PLCE1: variants seen among roughly 807,000 people sequenced by gnomAD.
PLCE1 encodes the protein 1-phosphatidylinositol 4,5-bisphosphate phosphodiesterase epsilon-1.
PLCE1 carries 119 observed loss-of-function variants against 242.8 expected under a neutral mutation model. The ratio of observed to expected loss-of-function variants is 0.49; its 90% CI spans 0.42 to 0.57. PLCE1 has a LOEUF of 0.57. PLCE1 is among the 20% of genes least tolerant of loss of function. The probability of loss-of-function intolerance (pLI) is 0.00; values close to 1 mark genes in which losing one functional copy is unlikely to be tolerated. For synonymous variants in PLCE1, 945 were observed against 1,017.4 expected, an observed-to-expected ratio of 0.93 and a Z score of 1.35; for missense variants, 2,441 against 2,788.8, an observed-to-expected ratio of 0.88 and a Z score of 2.81.
chr10:94,311,930 T>C (rs570042474), intron 27 of PLCE1, among the ~76,000 whole-genome samples: 9 of 152,218 alleles, frequency 5.9e-5, no homozygotes, highest in African/African-American at 2.2e-4. Context: ...CACAGACTCT[T>C]AGAAAGCAGA....
At chr10:94,081,217 T>A (rs568336906) in intron 2 of PLCE1, among the ~76,000 whole-genome samples, 99 of 152,358 alleles carry the variant, frequency 6.5e-4, no homozygotes, top group African/African-American at 2.0e-3. Context: ...TCTTCTTGGT[T>A]TGTAAAGATC....
At position 94,298,453 on chromosome 10, in the gene PLCE1, A is replaced by G; in HGVS notation, c.5242A>G (p.Ile1748Val). ...PLNPTTSLSA[I>V]IRTPKCYHIS... ...CAACCCAACCACGTCCCTCAGTGCT[A>G]TCATTAGAACTCCCAAATGTTATCA... The change falls in exon 24 of 33, where the codon ATC becomes GTC. Residue 1748 changes from isoleucine (I) to valine (V), a missense_variant. By Grantham distance (29) the Ile-to-Val change is conservative. Coordinates refer to ENST00000371380, the MANE Select transcript of PLCE1 (RefSeq NM_016341.4). This position sits in a 1 kb window ranked among gnomAD's most constrained non-coding sequence, Gnocchi z 5.2. 6.2e-7 allele frequency: 1 copy of G among 1,614,088 alleles called. No homozygotes were observed. The highest frequency in any genetic ancestry group is 8.5e-7 in the Non-Finnish European group (1 of 1,179,954).
chr10:94,294,705 G>A lies in PLCE1; in HGVS notation c.5167+1066G>A, dbSNP rs566747072. Among the ~76,000 whole-genome samples the A allele has an allele frequency of 2.6e-5, 4 of 152,236 alleles. No homozygotes were observed. In the East Asian group the frequency reaches 7.7e-4, roughly 29 times the overall value. On this transcript the variant is annotated intron_variant, in intron 23 of 32. Transcript: ENST00000371380. The stretch of plus-strand genomic sequence containing the variant: ...CAATCATCTGAGCCTGTAGCAAGTT[G>A]TAATATTTTTGCTGGTGGAGGGTGT...
intron 20 of PLCE1, 109 bp from the exon 21 acceptor site, chr10:94,283,681 A>T: frequency 8.4e-7 from 1 of 1,196,056 alleles, no homozygotes; most frequent in Non-Finnish European, 1.2e-6. Flanking sequence ...TTAGAGCCTC[A>T]TTCTTATAGA....
intron 2 of PLCE1, among the ~76,000 whole-genome samples, chr10:94,077,250 G>T (rs571494862): frequency 1.3e-5 from 2 of 152,194 alleles, no homozygotes; most frequent in African/African-American, 4.8e-5. Context: ...GTCAACAACT[G>T]GGGTGACGGG....
At chr10:94,155,161 AT>A (rs1181735334) in intron 3 of PLCE1, among the ~76,000 whole-genome samples, 2 of 152,092 alleles carry the variant, frequency 1.3e-5, no homozygotes, top group Non-Finnish European at 1.5e-5. Context: ...GAAAACATAC[AT>A]TCACACAAAA....
chr10:94,278,861 AT>A (rs2052073254), intron 19 of PLCE1, among the ~76,000 whole-genome samples: 1 of 152,062 alleles, frequency 6.6e-6, no homozygotes, highest in African/African-American at 2.4e-5. Flanking sequence ...TATATAGTAT[AT>A]ATTAGCACAC....
chr10:94,158,541 T>C (rs1197230737), intron 3 of PLCE1, among the ~76,000 whole-genome samples: 1 of 152,188 alleles, frequency 6.6e-6, no homozygotes, highest in Non-Finnish European at 1.5e-5. Context: ...GGAATTTTTC[T>C]CTTTCAATGT....
Position 94,309,931 on chromosome 10 carries a change from CAGA to C in PLCE1, c.6003+1235_6003+1237del, listed in dbSNP as rs1223488584. Among the ~76,000 whole-genome samples, 3 of 152,052 alleles carry C rather than the reference CAGA, an allele frequency of 2.0e-5. No homozygotes were observed. The East Asian group carries it at 5.8e-4, about 30-fold the overall frequency. On this transcript the variant is annotated intron_variant, in intron 27 of 32. Transcript: ENST00000371380. The stretch of plus-strand genomic sequence containing the variant: ...GTCCCAGCTACCTGGGAGGCTGAGG[CAGA>C]AGGACTGCTTGAGTCCAGGAGTTTG...
chr10:94,273,349 T>G (rs2051821290), intron 18 of PLCE1, among the ~76,000 whole-genome samples: 1 of 152,202 alleles, frequency 6.6e-6, no homozygotes, highest in Admixed American at 6.5e-5. Context: ...GGCCTCGACC[T>G]CTCCTCCTGT....
intron 2 of PLCE1, chr10:94,107,693 G>C (rs1033103150): frequency 6.6e-6 from 1 of 151,860 alleles, no homozygotes; most frequent in African/African-American, 2.4e-5. Flanking sequence ...AGGATGCTTG[G>C]AGTCTTTAGA....
chr10:94,023,301 A>T (rs187502549), intron 1 of PLCE1, among the ~76,000 whole-genome samples: 324 of 152,288 alleles, frequency 2.1e-3, no homozygotes, highest in Middle Eastern at 3.4e-3. Context: ...CCAGAGATGA[A>T]GCTGGAAAAA....
chr10:94,175,095 A>C (rs1468507829), intron 4 of PLCE1, among the ~76,000 whole-genome samples: 1 of 152,198 alleles, frequency 6.6e-6, no homozygotes, highest in African/African-American at 2.4e-5. Flanking sequence ...AGATTGAGTC[A>C]CTTGTCTAAG....
chr10:94,158,330 G>A (rs1178215287), intron 3 of PLCE1, among the ~76,000 whole-genome samples: 1 of 152,100 alleles, frequency 6.6e-6, no homozygotes, highest in African/African-American at 2.4e-5. Flanking sequence ...CTTTGAGTCA[G>A]TAATGCCATC....
At chr10:94,159,808 C>A (rs2047551341) in intron 3 of PLCE1, among the ~76,000 whole-genome samples, 1 of 152,140 alleles carries the variant, frequency 6.6e-6, no homozygotes, top group South Asian at 2.1e-4. Context: ...GTGATGTTCC[C>A]TTTCCTGTGT....
chr10:94,249,059 A>G (rs1564827363), intron 8 of PLCE1, among the ~76,000 whole-genome samples: 1 of 151,674 alleles, frequency 6.6e-6, no homozygotes, highest in Non-Finnish European at 1.5e-5. Context: ...CTCCCCCACC[A>G]CCCCTGCACA....
In PLCE1 at chr10:94,211,337, A is replaced by G. The variant is rs200333654; in HGVS notation, c.1810-15969A>G. On this transcript the variant is annotated intron_variant, in intron 4 of 32. Coordinates refer to ENST00000371380, the MANE Select transcript of PLCE1 (RefSeq NM_016341.4). ...TCAGACTGTCTTCACAGAGATGACAAATGCAGCAAGTTATGACTGTAGGTG... is the reference window on the plus strand; with the variant it reads ...TCAGACTGTCTTCACAGAGATGACAGATGCAGCAAGTTATGACTGTAGGTG... Among the ~76,000 whole-genome samples the G allele has an allele frequency of 2.2e-4, 34 of 152,320 alleles. No individual in the cohort carries two copies. In the East Asian group the frequency reaches 6.6e-3, roughly 29 times the overall value.
rs1038874248 is a variant in PLCE1, at chr10:94,331,528, T to C, written c.*3585T>C. The C allele has an allele frequency of 6.6e-6, 1 of 152,234 alleles. No individual in the cohort carries two copies. Among genetic ancestry groups the C allele is most frequent in the Non-Finnish European group, 1.5e-5 (1 of 68,052 alleles). 9.4% of individuals were successfully genotyped at this position (152,234 alleles called of 1,614,324 possible). ...AGAAGAGTAGGATTTTCCTGGCTGGTGTCTTTGATCTTACATTGGCAGCCT... is the reference window on the plus strand; with the variant it reads ...AGAAGAGTAGGATTTTCCTGGCTGGCGTCTTTGATCTTACATTGGCAGCCT... On this transcript the variant is annotated 3_prime_UTR_variant, in exon 33 of 33. Transcript: ENST00000371380.
chr10:94,293,031 TCATTA>T, intron 22 of PLCE1, among the ~76,000 whole-genome samples: 1 of 152,306 alleles, frequency 6.6e-6, no homozygotes, highest in East Asian at 1.9e-4. Flanking sequence ...TGAGTTCCTA[TCATTA>T]CACACATTTT....
Sources: gnomAD v4.1 joint callset for allele counts (sites outside exome capture counted in the v4.1 genomes callset) on GRCh38, gnomAD v4.1.1 for gene constraint, Gnocchi (gnomAD v3.1) non-coding constraint, MANE v1.5 for transcripts, NCBI Gene and HGNC (gene_info 2026-07-23, HGNC 2026-07-21) for gene names.